TLE4: variants seen among roughly 807,000 people sequenced by gnomAD.
TLE4 encodes the protein TLE family member 4, transcriptional corepressor.
TLE4 carries 8 observed loss-of-function variants against 92.8 expected under a neutral mutation model. That is an observed-to-expected ratio of 0.09 (90% CI 0.05 to 0.16). The LOEUF (loss-of-function observed/expected upper bound fraction) is 0.16, where lower values mean the gene tolerates loss of function less well. Ranked by LOEUF, TLE4 falls within the 10% of genes least tolerant of loss-of-function variation. The pLI, the probability that TLE4 is intolerant of heterozygous loss-of-function variation, is 1.00. For missense variants in TLE4, 675 were observed against 997.6 expected, an observed-to-expected ratio of 0.68 and a Z score of 4.36; for synonymous variants, 371 against 374.1, an observed-to-expected ratio of 0.99 and a Z score of 0.10.
intron 4 of TLE4, among the ~76,000 whole-genome samples, chr9:79,596,183 T>C (rs1377852988): frequency 1.3e-5 from 2 of 152,160 alleles, no homozygotes; most frequent in East Asian, 3.9e-4. Context: ...CATACCTCTG[T>C]AAGTCACAAA....
At chr9:79,704,214 A>T (rs1462746758) in intron 8 of TLE4, among the ~76,000 whole-genome samples, 1 of 152,066 alleles carries the variant, frequency 6.6e-6, no homozygotes, top group African/African-American at 2.4e-5. Context: ...CCCGGGTTCA[A>T]GCAGTTCTCC....
At chr9:79,650,650 T>C (rs1471475449) in intron 6 of TLE4, among the ~76,000 whole-genome samples, 1 of 152,148 alleles carries the variant, frequency 6.6e-6, no homozygotes, top group African/African-American at 2.4e-5. Flanking sequence ...TTTGGCCACT[T>C]AAATGAAGAG....
intron 4 of TLE4, among the ~76,000 whole-genome samples, chr9:79,586,097 G>C (rs553011518): frequency 2.1e-5 from 3 of 140,916 alleles, no homozygotes; most frequent in Non-Finnish European, 4.7e-5. Flanking sequence ...ACTTAGGCTG[G>C]GCACGTGGCT....
At position 79,582,627 on chromosome 9, in the gene TLE4, T is replaced by C. The variant is rs369877228; in HGVS notation, c.252+6450T>C. Among the ~76,000 whole-genome samples, 4 of 151,082 alleles carry C rather than the reference T, an allele frequency of 2.6e-5. No homozygotes were observed. In the East Asian group the frequency reaches 7.8e-4, roughly 29 times the overall value. On this transcript the variant is annotated intron_variant, in intron 4 of 19. Coordinates refer to ENST00000376552, the MANE Select transcript of TLE4 (RefSeq NM_007005.6). ...TGCATTTATAAGTTATTTGTGTTTG[T>C]TTTTAATGTGGCTTTTTTTTTTTTT...
chr9:79,698,457 C>G (rs936531861), intron 8 of TLE4, among the ~76,000 whole-genome samples: 1 of 152,044 alleles, frequency 6.6e-6, no homozygotes, highest in African/African-American at 2.4e-5. Flanking sequence ...AGAATAGATT[C>G]ATTACTTTAT....
At chr9:79,581,746 G>C (rs1274609320) in intron 4 of TLE4, among the ~76,000 whole-genome samples, 1 of 152,208 alleles carries the variant, frequency 6.6e-6, no homozygotes, top group African/African-American at 2.4e-5. Context: ...CCTGGGAGAT[G>C]GGTTTGCTAT....
chr9:79,649,667 G>C (rs2058634946), intron 6 of TLE4: 1 of 432,144 alleles, frequency 2.3e-6, no homozygotes, highest in Non-Finnish European at 3.9e-6. Flanking sequence ...AGGAAGAGAA[G>C]AAGCTCATTT....
intron 5 of TLE4, among the ~76,000 whole-genome samples, chr9:79,620,326 C>T (rs2050653035): frequency 6.6e-6 from 1 of 152,216 alleles, no homozygotes; most frequent in African/African-American, 2.4e-5. Flanking sequence ...AGTATCCACT[C>T]ATATGTGGCT....
intron 7 of TLE4, 64 bp downstream of exon 7, chr9:79,652,858 A>G: frequency 6.6e-7 from 1 of 1,505,216 alleles, no homozygotes; most frequent in Admixed American, 1.7e-5. Context: ...TAGGTTCTGG[A>G]TGCTATTGTT....
At chr9:79,680,181 G>A (rs1315451481) in intron 8 of TLE4, among the ~76,000 whole-genome samples, 1 of 151,686 alleles carries the variant, frequency 6.6e-6, no homozygotes, top group Non-Finnish European at 1.5e-5. Context: ...GATGGGGATG[G>A]CATTGAATCT....
intron 8 of TLE4, among the ~76,000 whole-genome samples, chr9:79,703,452 ATTGT>A (rs1440695259): frequency 6.6e-5 from 10 of 152,164 alleles, no homozygotes; most frequent in African/African-American, 2.4e-4. Context: ...AGTTGTTAAG[ATTGT>A]TCCAGTTTTC....
chr9:79,649,426 A>C (rs564848545), intron 6 of TLE4: 1 of 170,810 alleles, frequency 5.9e-6, no homozygotes, highest in African/African-American at 2.4e-5. Flanking sequence ...TGATTAAAAT[A>C]TAGTGGGATT....
chr9:79,704,716 A>C, intron 8 of TLE4, 67 bp from the exon 9 acceptor site: 1 of 1,562,912 alleles, frequency 6.4e-7, no homozygotes, highest in Non-Finnish European at 8.6e-7. Flanking sequence ...GTCTCAAGTG[A>C]CTTAAAAATC....
chr9:79,671,270 T>A (rs750399204), intron 8 of TLE4: 11 of 456,452 alleles, frequency 2.4e-5, no homozygotes, highest in South Asian at 1.4e-4. Context: ...ACCTTCTGGG[T>A]TCCTGTCAGT....
At chr9:79,696,774 C>A (rs778600332) in intron 8 of TLE4, among the ~76,000 whole-genome samples, 11 of 152,282 alleles carry the variant, frequency 7.2e-5, no homozygotes, top group Non-Finnish European at 1.6e-4. Context: ...TAACTTATTT[C>A]TCTGAGCTGT....
chr9:79,595,521 A>T (rs1430981282), intron 4 of TLE4, among the ~76,000 whole-genome samples: 1 of 152,232 alleles, frequency 6.6e-6, no homozygotes, highest in Non-Finnish European at 1.5e-5. Context: ...TCTGCTTTAG[A>T]ATACTTAATC....
At chr9:79,582,089 A>G (rs990120960) in intron 4 of TLE4, among the ~76,000 whole-genome samples, 1 of 152,136 alleles carries the variant, frequency 6.6e-6, no homozygotes, top group Non-Finnish European at 1.5e-5. Context: ...CCTACAGACA[A>G]GGGGCTGTTT....
At position 79,722,595 on chromosome 9, in the gene TLE4, C is replaced by T; in HGVS notation, c.2131C>T (p.His711Tyr). The stretch of plus-strand genomic sequence containing the variant: ...CTGTGTGCTGTCGCTCAAGTTTGCC[C>T]ATTGTGGTAAGCAAGCACCTTTTGT... ...ESCVLSLKFA[H>Y]CGKWFVSTGK... The change falls in exon 18 of 20, where the codon CAT (histidine) becomes TAT (tyrosine). Residue 711 changes from histidine (H) to tyrosine (Y), a missense_variant. This residue lies in a region of TLE4 where 170 missense variants were observed against 359.6 expected (regional missense o/e 0.47). Coordinates refer to ENST00000376552, the MANE Select transcript of TLE4 (RefSeq NM_007005.6). 1 of 1,613,858 alleles carries T rather than the reference C, an allele frequency of 6.2e-7. No individual in the cohort carries two copies.
At chr9:79,683,169 G>C (rs2065084945) in intron 8 of TLE4, among the ~76,000 whole-genome samples, 1 of 152,216 alleles carries the variant, frequency 6.6e-6, no homozygotes, top group Non-Finnish European at 1.5e-5. Flanking sequence ...CTTTGATGTA[G>C]ACCATCAGTT....
Sources: allele counts gnomAD v4.1 joint callset (sites outside exome capture counted in the v4.1 genomes callset), GRCh38; gene constraint gnomAD v4.1.1; regional missense constraint gnomAD v4.1.1; transcripts MANE v1.5; gene names NCBI Gene and HGNC (gene_info 2026-07-23, HGNC 2026-07-21).